MAN2A1: variants seen among roughly 807,000 people sequenced by gnomAD.
The protein encoded by MAN2A1 is alpha-mannosidase 2.
Under a neutral mutation model 142.6 loss-of-function variants are expected in MAN2A1, and 76 were observed. That is an observed-to-expected ratio of 0.53 (90% confidence interval 0.44 to 0.65). The LOEUF is 0.65. MAN2A1 is among the 30% of genes least tolerant of loss of function. The probability of loss-of-function intolerance (pLI) is 0.00; values close to 1 mark genes in which losing one functional copy is unlikely to be tolerated. For synonymous variants in MAN2A1, 559 were observed against 473.2 expected (o/e 1.18, Z -2.35); for missense variants, 1,311 against 1,365.1 (o/e 0.96, Z 0.62).
intron 16 of MAN2A1, 106 bp from the exon 17 acceptor site, chr5:109,842,222 G>C (rs1755224268): frequency 9.1e-6 from 6 of 657,250 alleles, no homozygotes; most frequent in Non-Finnish European, 1.4e-5. Context: ...ACAAGAAGTA[G>C]AAAACAAGAA....
In MAN2A1 at chr5:109,781,475, T is replaced by G. The variant is rs1294669059; in HGVS notation, c.1454T>G (p.Met485Arg). The change falls in exon 9 of 22, where the codon ATG becomes AGG. Residue 485 changes from methionine (M) to arginine (R), a missense_variant. Coordinates refer to ENST00000261483, the MANE Select transcript of MAN2A1 (RefSeq NM_002372.4). Reference protein sequence around the residue: ...DETQRDKGQSMFPVLSGDFFT... With the variant: ...DETQRDKGQSRFPVLSGDFFT... Reference sequence around the variant, plus strand: ...ACTCAGAGAGACAAGGGCCAATCGATGTTCCCTGTTTTAAGTGGAGATTTT... The same window carrying G: ...ACTCAGAGAGACAAGGGCCAATCGAGGTTCCCTGTTTTAAGTGGAGATTTT... The G allele has an allele frequency of 9.3e-6, 15 of 1,613,366 alleles. No homozygotes were observed. Among genetic ancestry groups the G allele is most frequent in the Non-Finnish European group, 1.3e-5 (15 of 1,179,764 alleles).
intron 12 of MAN2A1, among the ~76,000 whole-genome samples, chr5:109,790,245 C>G (rs1051551974): frequency 6.6e-6 from 1 of 151,502 alleles, no homozygotes; most frequent in Non-Finnish European, 1.5e-5. Context: ...CCTCCTCTTG[C>G]CAATTATAGG....
chr5:109,792,381 G>A (rs1179576927), intron 12 of MAN2A1, among the ~76,000 whole-genome samples: 4 of 151,416 alleles, frequency 2.6e-5, no homozygotes, highest in East Asian at 3.9e-4. Flanking sequence ...GCCATACTTC[G>A]TGCCTGAATT....
chr5:109,761,746 A>G (rs1029338462), intron 5 of MAN2A1, among the ~76,000 whole-genome samples: 1 of 152,048 alleles, frequency 6.6e-6, no homozygotes, highest in Non-Finnish European at 1.5e-5. Context: ...TACATTAGAA[A>G]TAATTTATTG....
chr5:109,846,544 A>G (rs1039279278), intron 18 of MAN2A1, among the ~76,000 whole-genome samples: 2 of 152,202 alleles, frequency 1.3e-5, no homozygotes, highest in Non-Finnish European at 2.9e-5. Context: ...AAAATAGTCA[A>G]TAGACACTGA....
intron 3 of MAN2A1, among the ~76,000 whole-genome samples, chr5:109,718,261 T>C (rs1453903114): frequency 6.6e-6 from 1 of 152,232 alleles, no homozygotes; most frequent in Non-Finnish European, 1.5e-5. Context: ...TCTTCCCTTT[T>C]CTTGATTTTT....
At chr5:109,769,200 A>G (rs1753072768) in intron 6 of MAN2A1, among the ~76,000 whole-genome samples, 1 of 152,178 alleles carries the variant, frequency 6.6e-6, no homozygotes, top group Non-Finnish European at 1.5e-5. Flanking sequence ...CACCGTTGTG[A>G]ATATGATTCA....
chr5:109,733,004 G>C (rs931231808), intron 4 of MAN2A1, among the ~76,000 whole-genome samples: 4 of 152,160 alleles, frequency 2.6e-5, no homozygotes, highest in Admixed American at 2.0e-4. Context: ...AGCATGGAAT[G>C]TTCTTCCATT....
intron 4 of MAN2A1, among the ~76,000 whole-genome samples, chr5:109,733,964 A>G (rs1405368685): frequency 6.6e-6 from 1 of 152,154 alleles, no homozygotes; most frequent in Non-Finnish European, 1.5e-5. Context: ...TACTTCTGGT[A>G]GAATTCGGCT....
chr5:109,806,471 A>C (rs188338723), intron 12 of MAN2A1, among the ~76,000 whole-genome samples: 85 of 152,314 alleles, frequency 5.6e-4, no homozygotes, highest in Non-Finnish European at 9.8e-4. Context: ...CTACGAGCTA[A>C]GTCATTTACT....
chr5:109,722,602 G>T (rs982884879), intron 3 of MAN2A1, among the ~76,000 whole-genome samples: 3 of 152,106 alleles, frequency 2.0e-5, no homozygotes, highest in Non-Finnish European at 4.4e-5. Flanking sequence ...TTTTAGTAGA[G>T]ATGGGGTTTC....
At chr5:109,777,337 CAT>C (rs896652758) in intron 8 of MAN2A1, among the ~76,000 whole-genome samples, 6 of 151,928 alleles carry the variant, frequency 3.9e-5, no homozygotes, top group Non-Finnish European at 5.9e-5. Context: ...AGTCTCTTTT[CAT>C]ATGTTTATTG....
At chr5:109,733,541 T>TA (rs1349532035) in intron 4 of MAN2A1, among the ~76,000 whole-genome samples, 2 of 152,228 alleles carry the variant, frequency 1.3e-5, no homozygotes, top group African/African-American at 4.8e-5. Flanking sequence ...GTCCCATCAA[T>TA]ACCTAATTTA....
Position 109,823,762 on chromosome 5 carries a change from C to T in MAN2A1, c.2491C>T (p.His831Tyr). ...YTTPPFVRVTHGRIYSEVTCF... is the reference protein window; with the variant it reads ...YTTPPFVRVTYGRIYSEVTCF... ...AACACCGCCCTTTGTCAGAGTGACA[C>T]ATGGAAGGATTTATTCGGAAGTGAC... Residue 831 changes from histidine (H) to tyrosine (Y), a missense_variant, in exon 16 of 22, where the codon CAT becomes TAT. Physicochemically the swap from His to Tyr is moderately conservative, Grantham distance 83. Transcript: ENST00000261483. 3.7e-6 allele frequency: 6 copies of T among 1,609,220 alleles called. No homozygotes were observed. Among genetic ancestry groups the T allele is most frequent in the East Asian group, 2.2e-5 (1 of 44,550 alleles).
intron 16 of MAN2A1, among the ~76,000 whole-genome samples, chr5:109,826,492 T>G (rs1271033198): frequency 1.3e-5 from 2 of 152,218 alleles, no homozygotes; most frequent in Non-Finnish European, 2.9e-5. Context: ...TGAAATGCTT[T>G]CTTCCAAACT....
intron 5 of MAN2A1, among the ~76,000 whole-genome samples, chr5:109,755,898 A>G (rs1242034766): frequency 6.6e-6 from 1 of 152,002 alleles, no homozygotes; most frequent in Non-Finnish European, 1.5e-5. Context: ...TGGGCACTGT[A>G]TCTTTGGGCT....
chr5:109,834,884 T>C (rs1342476778), intron 16 of MAN2A1, among the ~76,000 whole-genome samples: 2 of 152,178 alleles, frequency 1.3e-5, no homozygotes, highest in Non-Finnish European at 2.9e-5. Flanking sequence ...TAATGAATGG[T>C]AAATTGAGTG....
At chr5:109,803,151 A>G (rs1754075461) in intron 12 of MAN2A1, among the ~76,000 whole-genome samples, 1 of 151,978 alleles carries the variant, frequency 6.6e-6, no homozygotes, top group Admixed American at 6.6e-5. Flanking sequence ...GGCCCTTATA[A>G]TTTAGTCTGC....
At chr5:109,743,226 G>A (rs534613838) in intron 4 of MAN2A1, among the ~76,000 whole-genome samples, 1 of 151,980 alleles carries the variant, frequency 6.6e-6, no homozygotes, top group African/African-American at 2.4e-5. Context: ...TCCTGTTCTC[G>A]CCTGTTGGGG....
Sources: allele counts gnomAD v4.1 joint callset (sites outside exome capture counted in the v4.1 genomes callset), GRCh38; gene constraint gnomAD v4.1.1; transcripts MANE v1.5; gene names NCBI Gene and HGNC (gene_info 2026-07-23, HGNC 2026-07-21).